Variants in ABCA1 observed in about 807,000 individuals in gnomAD.
ABCA1 encodes phospholipid-transporting ATPase ABCA1.
ABCA1 carries 133 observed loss-of-function variants against 262.5 expected under a neutral mutation model. The ratio of observed to expected loss-of-function variants is 0.51; its 90% confidence interval spans 0.44 to 0.59. ABCA1 has a LOEUF of 0.59. ABCA1 is among the 20% of genes least tolerant of loss of function. ABCA1 has a pLI of 0.00. For missense variants in ABCA1, 2,452 were observed against 2,777.5 expected (o/e 0.88, Z 2.63); for synonymous variants, 1,022 against 1,043.5 (o/e 0.98, Z 0.40).
chr9:104,847,415 C>T (rs902781291), intron 7 of ABCA1, among the ~76,000 whole-genome samples: 43 of 152,078 alleles, frequency 2.8e-4, no homozygotes, highest in African/African-American at 1.0e-3. Flanking sequence ...TGTACAAAGC[C>T]CCTCGCACAG....
chr9:104,790,096 C>CAAA (rs35840899), intron 44 of ABCA1, among the ~76,000 whole-genome samples: 5 of 135,368 alleles, frequency 3.7e-5, no homozygotes, highest in African/African-American at 1.0e-4. Flanking sequence ...AACTCCGTCT[C>CAAA]AAAAAAAAAA....
intron 2 of ABCA1, among the ~76,000 whole-genome samples, chr9:104,899,773 A>C (rs1194137474): frequency 6.6e-6 from 1 of 152,042 alleles, no homozygotes; most frequent in East Asian, 1.9e-4. Flanking sequence ...TAATAAAGGC[A>C]AAAGAAAAGA....
intron 5 of ABCA1, among the ~76,000 whole-genome samples, chr9:104,873,528 T>C (rs371044086): frequency 7.9e-5 from 12 of 152,364 alleles, no homozygotes; most frequent in African/African-American, 2.9e-4. Flanking sequence ...GTCCTGTGAC[T>C]TTAGGGAAGC....
rs1588502130 is a variant in ABCA1, at chr9:104,884,509, T to C, written c.220A>G (p.Ile74Val). The change falls in exon 4 of 50, where the codon ATC (isoleucine) becomes GTC (valine). Residue 74 changes from isoleucine (I) to valine (V), a missense_variant. Coordinates refer to ENST00000374736, the MANE Select transcript of ABCA1 (RefSeq NM_005502.4). ...AAACAGGGGTTGTTGGCATTACAGA[T>C]AATCCCCTGAACCCAAGGAAGTGTT... is the stretch of plus-strand genomic sequence containing the variant. ...AGTLPWVQGI[I>V]CNANNPCFRY... is the part of the protein sequence containing the mutation. The C allele has an allele frequency of 6.2e-7, 1 of 1,614,192 alleles. No individual in the cohort carries two copies. Among genetic ancestry groups the C allele is most frequent in the Non-Finnish European group, 8.5e-7 (1 of 1,180,016 alleles).
intron 33 of ABCA1, among the ~76,000 whole-genome samples, chr9:104,802,845 T>G (rs1017669049): frequency 2.6e-5 from 4 of 152,208 alleles, no homozygotes; most frequent in African/African-American, 9.6e-5. Context: ...TTATTTCCTC[T>G]AAGACCTTTT....
rs2118855451 is a variant in ABCA1, at chr9:104,791,048, T to G, written c.5821-20A>C. The G allele has an allele frequency of 6.3e-7, 1 of 1,576,910 alleles. No individual in the cohort carries two copies. Among genetic ancestry groups the G allele is most frequent in the Non-Finnish European group, 8.7e-7 (1 of 1,146,466 alleles). On this transcript the variant is annotated intron_variant, in intron 43 of 49. Coordinates refer to ENST00000374736, the MANE Select transcript of ABCA1 (RefSeq NM_005502.4). ...AAAGCACTGAAAAGGAAAGATTAAG[T>G]TGTATAAGCAAACTCTAAAAACATG...
At chr9:104,879,722 T>A (rs1251588970) in intron 5 of ABCA1, among the ~76,000 whole-genome samples, 1 of 152,218 alleles carries the variant, frequency 6.6e-6, no homozygotes. Flanking sequence ...GTGACGTGAA[T>A]GCCAAAATGC....
chr9:104,831,887 G>A (rs1833365815), intron 12 of ABCA1, 60 bp from the exon 13 acceptor site: 11 of 1,493,266 alleles, frequency 7.4e-6, no homozygotes, highest in Non-Finnish European at 1.0e-5. Context: ...CAGTGGCTGA[G>A]ACAAATCCTA....
chr9:104,884,826 A>G (rs1035786079), intron 3 of ABCA1, among the ~76,000 whole-genome samples: 2 of 152,202 alleles, frequency 1.3e-5, no homozygotes, highest in Non-Finnish European at 2.9e-5. Flanking sequence ...GGTCCTAAGC[A>G]GAAAGTCCCT....
chr9:104,800,481 A>C (rs1830236076), intron 35 of ABCA1, 29 bp downstream of exon 35: 2 of 1,592,878 alleles, frequency 1.3e-6, no homozygotes, highest in Non-Finnish European at 1.7e-6. Context: ...GTTCATCAAA[A>C]AGCTACTAGA....
Position 104,909,361 on chromosome 9 carries a change from G to GGGT in ABCA1, c.-92-5593_-92-5591dup, listed in dbSNP as rs564610534. 2.7e-3 allele frequency among the ~76,000 whole-genome samples: 411 copies of GGGT among 152,182 alleles called. 3 individuals carry two copies. The highest frequency in any genetic ancestry group is 0.013 in the South Asian group (63 of 4,808). On this transcript the variant is annotated intron_variant, in intron 1 of 49. Transcript: ENST00000374736. ...AATAATAGTGGGTTGTTCAAACAGTGGGTGGTGGTGGTAGGATTGACGAAG... is the reference window on the plus strand; with the variant it reads ...AATAATAGTGGGTTGTTCAAACAGTGGGTGGTGGTGGTGGTAGGATTGACGAAG...
At chr9:104,799,569 C>T (rs1830166939) in intron 36 of ABCA1, 1 of 984,668 alleles carries the variant, frequency 1.0e-6, no homozygotes, top group African/African-American at 1.7e-5. Flanking sequence ...TTTTTGAACT[C>T]ACTTTATATG....
At chr9:104,855,603 G>A in intron 7 of ABCA1, 1 of 1,377,950 alleles carries the variant, frequency 7.3e-7, no homozygotes, top group East Asian at 2.5e-5. Context: ...CCTATTGTGT[G>A]CCAGGCCCCA....
intron 2 of ABCA1, among the ~76,000 whole-genome samples, chr9:104,897,883 G>A (rs1281877883): frequency 1.3e-5 from 2 of 152,158 alleles, no homozygotes; most frequent in Admixed American, 6.5e-5. Flanking sequence ...AATTATAGGT[G>A]TGAGCCACCA....
rs34544647 is a variant in ABCA1 at position 104,893,421 on chromosome 9, CAAAAAAAAAAA to C, written c.67-4237_67-4227del. On this transcript the variant is annotated intron_variant, in intron 2 of 49. Coordinates refer to ENST00000374736, the MANE Select transcript of ABCA1 (RefSeq NM_005502.4). The stretch of plus-strand genomic sequence containing the variant: ...TGGGCAACAGAGTGAGACTTCACCT[CAAAAAAAAAAA>C]AAAAAAAAAAAAAAAAAAAAGAAAA... 1.4e-3 allele frequency among the ~76,000 whole-genome samples: 50 copies of C among 35,254 alleles called. 1 individual carries two copies. The highest frequency in any genetic ancestry group is 0.012 in the Admixed American group (31 of 2,590). The allele number at this position is 35,254 out of a possible 152,430, so 23.1% of individuals were successfully genotyped here. A position where few individuals can be genotyped will look rare whatever the true frequency, so the allele number is the denominator to read the frequency against.
intron 36 of ABCA1, 56 bp from the exon 37 acceptor site, chr9:104,798,654 A>G: frequency 1.3e-6 from 2 of 1,492,268 alleles, no homozygotes; most frequent in South Asian, 2.3e-5. Flanking sequence ...TTAGGGCTCA[A>G]TCAGTGAGGA....
In ABCA1 at chr9:104,806,284, A is replaced by T; in HGVS notation, c.4421T>A (p.Leu1474Gln). ...CCCTGCCCCTGGGGGACACACAGGC[A>T]GCATCTTCTTGATTTTGTCGCTGCT... ...QCSSDKIKKMLPVCPPGAGGL... is the reference protein window; with the variant it reads ...QCSSDKIKKMQPVCPPGAGGL... The change falls in exon 31 of 50, where the codon CTG becomes CAG. Residue 1474 changes from leucine (L) to glutamine (Q), a missense_variant. By Grantham distance (113) the Leu-to-Gln change is moderately radical. Transcript: ENST00000374736. 2 of 1,613,936 alleles carry T rather than the reference A, an allele frequency of 1.2e-6. No individual in the cohort carries two copies. The highest frequency in any genetic ancestry group is 1.7e-6 in the Non-Finnish European group (2 of 1,180,028).
At chr9:104,826,004 G>A in intron 16 of ABCA1, 117 bp from the exon 17 acceptor site, 1 of 1,012,764 alleles carries the variant, frequency 9.9e-7, no homozygotes, top group Non-Finnish European at 1.5e-6. Flanking sequence ...CAATCATAAG[G>A]TGCAGAAGTA....
intron 22 of ABCA1, 61 bp from the exon 23 acceptor site, chr9:104,818,944 A>T (rs1832023470): frequency 1.4e-6 from 2 of 1,453,050 alleles, no homozygotes; most frequent in Non-Finnish European, 1.9e-6. Flanking sequence ...GATTTGTCAC[A>T]GTGACAGGGA....
Sources: allele counts gnomAD v4.1 joint callset (sites outside exome capture counted in the v4.1 genomes callset), GRCh38; gene constraint gnomAD v4.1.1; transcripts MANE v1.5; gene names NCBI Gene and HGNC (gene_info 2026-07-23, HGNC 2026-07-21).